NELL1: variants seen among roughly 807,000 people sequenced by gnomAD.
NELL1 encodes the protein protein kinase C-binding protein NELL1.
A neutral mutation model predicts 107.4 loss-of-function variants in NELL1; 76 were observed. The ratio of observed to expected loss-of-function variants is 0.71; its 90% CI spans 0.59 to 0.86. The LOEUF (loss-of-function observed/expected upper bound fraction) is 0.86, where lower values mean the gene tolerates loss of function less well. Among genes scored for constraint, NELL1 ranks in the 40% least tolerant of loss-of-function variants. The probability of loss-of-function intolerance (pLI) is 0.00; values close to 1 mark genes in which losing one functional copy is unlikely to be tolerated. For synonymous variants in NELL1, 353 were observed against 341.2 expected (o/e 1.03, Z -0.38); for missense variants, 1,024 against 1,005.5 (o/e 1.02, Z -0.25).
At position 21,168,915 on chromosome 11, in the gene NELL1, C is replaced by T. The variant is rs948622079; in HGVS notation, c.1426+55201C>T. Among the ~76,000 whole-genome samples the T allele has an allele frequency of 6.6e-5, 10 of 151,894 alleles. 1 individual carries two copies. The highest frequency in any genetic ancestry group is 2.1e-4 in the South Asian group (1 of 4,824). On this transcript the variant is annotated intron_variant, in intron 13 of 19. Coordinates refer to ENST00000357134, the MANE Select transcript of NELL1 (RefSeq NM_006157.5). The stretch of plus-strand genomic sequence containing the variant: ...CATTGGTTAAACTTCTTCAGTCCTA[C>T]GAGAGGACTTTATTGCTACCTTCTT...
intron 14 of NELL1, among the ~76,000 whole-genome samples, chr11:21,299,345 TC>T (rs1565155268): frequency 6.6e-6 from 1 of 151,960 alleles, no homozygotes; most frequent in Admixed American, 6.6e-5. Context: ...TGCATTCTGC[TC>T]CTTCCAGGAT....
chr11:20,802,781 GAT>G (rs1358599004), intron 3 of NELL1, among the ~76,000 whole-genome samples: 2 of 152,060 alleles, frequency 1.3e-5, no homozygotes. Flanking sequence ...ATCATGAAGG[GAT>G]GTTGAATTTG....
chr11:20,829,393 ATTTTTGTAT>A (rs989419208), intron 3 of NELL1, among the ~76,000 whole-genome samples: 2 of 151,904 alleles, frequency 1.3e-5, no homozygotes, highest in Non-Finnish European at 2.9e-5. Context: ...CACCTGGCTA[ATTTTTGTAT>A]TTTTTAGTAG....
chr11:21,285,609 AG>A (rs1849098323), intron 14 of NELL1, among the ~76,000 whole-genome samples: 1 of 152,178 alleles, frequency 6.6e-6, no homozygotes, highest in African/African-American at 2.4e-5. Context: ...TCTTCTGGAA[AG>A]GGGATTCTTG....
intron 4 of NELL1, among the ~76,000 whole-genome samples, chr11:20,871,276 C>G (rs1485127971): frequency 6.6e-6 from 1 of 152,092 alleles, no homozygotes; most frequent in African/African-American, 2.4e-5. Flanking sequence ...TCCTGTGGCC[C>G]AAAGCCAGGC....
chr11:21,057,173 C>A lies in NELL1; in HGVS notation c.1301-56416C>A, dbSNP rs202164694. Among the ~76,000 whole-genome samples, 19 of 151,980 alleles carry A rather than the reference C, an allele frequency of 1.3e-4. No individual in the cohort carries two copies. In the East Asian group the frequency reaches 2.9e-3, roughly 23 times the overall value. ...TGTAAATTTTAAAAATGGGGCAAAA[C>A]AAAACACATAAGAAGGCATTTCATA... On this transcript the variant is annotated intron_variant, in intron 12 of 19. Transcript: ENST00000357134.
intron 18 of NELL1, among the ~76,000 whole-genome samples, chr11:21,571,319 T>TA (rs981636396): frequency 1.3e-5 from 2 of 151,748 alleles, no homozygotes; most frequent in African/African-American, 4.8e-5. Flanking sequence ...ATATAAGAGG[T>TA]AACAAAACAT....
chr11:21,363,991 C>T (rs1015378085), intron 14 of NELL1, among the ~76,000 whole-genome samples: 3 of 152,264 alleles, frequency 2.0e-5, no homozygotes, highest in East Asian at 1.9e-4. Context: ...AATATTTTCA[C>T]CTGTGGAGGC....
chr11:21,277,600 G>A (rs573578505), intron 14 of NELL1, among the ~76,000 whole-genome samples: 25 of 152,308 alleles, frequency 1.6e-4, no homozygotes, highest in African/African-American at 4.8e-4. Flanking sequence ...ACATGCACAT[G>A]TATGTTTATT....
At position 21,554,782 on chromosome 11, in the gene NELL1, C is replaced by T. The variant is rs139208435; in HGVS notation, c.1787-5407C>T. On this transcript the variant is annotated intron_variant, in intron 16 of 19. Coordinates refer to ENST00000357134, the MANE Select transcript of NELL1 (RefSeq NM_006157.5). ...GAGATGTTAGGTAAATTTTTAGAGT[C>T]GTACAACTAATAAATTGCAGGGATG... 9.4e-4 allele frequency among the ~76,000 whole-genome samples: 142 copies of T among 151,858 alleles called. 1 individual carries two copies. Among genetic ancestry groups the T allele is most frequent in the African/African-American group, 3.1e-3 (127 of 41,486 alleles).
In NELL1 at chr11:21,315,888, T is replaced by TGA. The variant is rs569569815; in HGVS notation, c.1550-54963_1550-54962dup. On this transcript the variant is annotated intron_variant, in intron 14 of 19. Coordinates refer to ENST00000357134, the MANE Select transcript of NELL1 (RefSeq NM_006157.5). The stretch of plus-strand genomic sequence containing the variant: ...GGTGGTGGTGGTGGTGGTGGTGGTG[T>TGA]GAGTGTGTGTGTGTGTGTGTGTGTG... Among the ~76,000 whole-genome samples, 106 of 32,292 alleles carry TGA rather than the reference T, an allele frequency of 3.3e-3. 1 individual carries two copies. The highest frequency in any genetic ancestry group is 0.023 in the Middle Eastern group (2 of 86). 21.2% of individuals were successfully genotyped at this position (32,292 alleles called of 152,430 possible).
chr11:20,818,761 C>G (rs552124237), intron 3 of NELL1, among the ~76,000 whole-genome samples: 1 of 152,262 alleles, frequency 6.6e-6, no homozygotes, highest in East Asian at 1.9e-4. Flanking sequence ...GTAAGCCGCC[C>G]TTAGAAAAGA....
At chr11:21,141,422 C>T (rs376131633) in intron 13 of NELL1, among the ~76,000 whole-genome samples, 1 of 152,064 alleles carries the variant, frequency 6.6e-6, no homozygotes, top group Non-Finnish European at 1.5e-5. Context: ...GTTTTTTATC[C>T]TTCTGTTTCA....
chr11:20,713,880 C>A (rs1465165525), intron 2 of NELL1, among the ~76,000 whole-genome samples: 1 of 152,058 alleles, frequency 6.6e-6, no homozygotes. Flanking sequence ...TTGTGCAGCT[C>A]CCTAAATTTG....
At chr11:21,337,781 T>TTTCTTTCTTTCC (rs1850452177) in intron 14 of NELL1, among the ~76,000 whole-genome samples, 1 of 140,080 alleles carries the variant, frequency 7.1e-6, no homozygotes, top group Non-Finnish European at 1.5e-5. Context: ...TCTTTCTTTC[T>TTTCTTTCTTTCC]TTCTTTCTTT....
intron 14 of NELL1, among the ~76,000 whole-genome samples, chr11:21,289,733 G>A (rs1259416649): frequency 3.9e-5 from 6 of 152,300 alleles, no homozygotes; most frequent in East Asian, 1.9e-4. Context: ...CCACCCCTAC[G>A]GAGCCCAAGA....
intron 15 of NELL1, among the ~76,000 whole-genome samples, chr11:21,453,392 G>A (rs1853636655): frequency 6.6e-6 from 1 of 151,970 alleles, no homozygotes; most frequent in African/African-American, 2.4e-5. Flanking sequence ...AGTCTACTTT[G>A]ATATTACTAA....
At chr11:20,973,627 A>G (rs1490082185) in intron 12 of NELL1, among the ~76,000 whole-genome samples, 1 of 152,186 alleles carries the variant, frequency 6.6e-6, no homozygotes, top group Non-Finnish European at 1.5e-5. Flanking sequence ...TCATAGATAT[A>G]TCTTGTTAAT....
At chr11:21,520,689 G>C (rs950055524) in intron 15 of NELL1, among the ~76,000 whole-genome samples, 2 of 152,116 alleles carry the variant, frequency 1.3e-5, no homozygotes, top group Non-Finnish European at 2.9e-5. Flanking sequence ...TTACAACAGA[G>C]GGCCCAGTGT....
Sources: gnomAD v4.1 joint callset for allele counts (sites outside exome capture counted in the v4.1 genomes callset) on GRCh38, gnomAD v4.1.1 for gene constraint, MANE v1.5 for transcripts, NCBI Gene and HGNC (gene_info 2026-07-23, HGNC 2026-07-21) for gene names.